RGS17: variants seen among roughly 807,000 people sequenced by gnomAD.
RGS17 encodes regulator of G-protein signaling 17.
In RGS17, 12 loss-of-function variants were observed where a neutral mutation model predicts 25.5. The observed-to-expected ratio is 0.47, with a 90% CI of 0.30 to 0.76. The LOEUF (loss-of-function observed/expected upper bound fraction) is 0.76. Among genes scored for constraint, RGS17 ranks in the 30% least tolerant of loss-of-function variants. RGS17 has a pLI of 0.07. For synonymous variants in RGS17, 71 were observed against 76.9 expected (o/e 0.92, Z 0.40); for missense variants, 196 against 242.2 (o/e 0.81, Z 1.27).
chr6:153,026,523 T>C lies in RGS17; in HGVS notation c.140A>G (p.Glu47Gly). 1 of 1,613,172 alleles carries C rather than the reference T, an allele frequency of 6.2e-7. No homozygotes were observed. The highest frequency in any genetic ancestry group is 8.5e-7 in the Non-Finnish European group (1 of 1,179,310). Residue 47 changes from glutamate to glycine, a missense_variant, in exon 3 of 5, where the codon GAA (glutamate) becomes GGA (glycine). Physicochemically the swap from Glu to Gly is moderately conservative, Grantham distance 98 (BLOSUM62 -2). This residue lies in a region of RGS17 where 179 missense variants were observed against 197.6 expected (regional missense o/e 0.91). Coordinates refer to ENST00000206262, the MANE Select transcript of RGS17 (RefSeq NM_012419.5). ...GGGTCTTCCCGCATTTTCCCCTCTT[T>C]CTTCATTCCTCACAGTGAGGCTGTA... ...SCSCLTVRNE[E>G]RGENAGRPTH...
In RGS17 at chr6:153,130,126, T is replaced by G. The variant is rs1777764560; in HGVS notation, c.-26+998A>C. Among the ~76,000 whole-genome samples the G allele has an allele frequency of 6.6e-6, 1 of 152,108 alleles. No individual in the cohort carries two copies. The highest frequency in any genetic ancestry group is 1.5e-5 in the Non-Finnish European group (1 of 68,002). ...CCAGCTCTGTCCCTCCGCCATCCCC[T>G]AGTCCTCCGGCATTTATTCAGGGAG... On this transcript the variant is annotated intron_variant, in intron 1 of 4. Transcript: ENST00000206262. This position sits in a 1 kb window ranked among gnomAD's most constrained non-coding sequence, Gnocchi z 6.4.
intron 1 of RGS17, among the ~76,000 whole-genome samples, chr6:153,082,581 A>G (rs1777000457): frequency 6.6e-6 from 1 of 151,972 alleles, no homozygotes; most frequent in Non-Finnish European, 1.5e-5. Flanking sequence ...CATCATGTTC[A>G]TGTTTTCATT....
At chr6:153,128,719 A>T (rs1001719204) in intron 1 of RGS17, among the ~76,000 whole-genome samples, 10 of 152,134 alleles carry the variant, frequency 6.6e-5, no homozygotes, top group Admixed American at 4.6e-4. Context: ...ATTATTATTT[A>T]TTATTATGCA....
At chr6:153,019,536 G>A (rs1047999869) in intron 4 of RGS17, among the ~76,000 whole-genome samples, 2 of 152,106 alleles carry the variant, frequency 1.3e-5, no homozygotes, top group African/African-American at 4.8e-5. Flanking sequence ...GTTCATGGGG[G>A]CAGATTTCTC....
rs1034056657 is a variant in RGS17 at position 153,009,613 on chromosome 6, A to C, written c.*1961T>G. On this transcript the variant is annotated 3_prime_UTR_variant, in exon 5 of 5. Coordinates refer to ENST00000206262, the MANE Select transcript of RGS17 (RefSeq NM_012419.5). ...ATAAAATATGTCTTAACACACTAAC[A>C]CTTTCAGAAAACACAGGCATTTGTT... is the stretch of plus-strand genomic sequence containing the variant. 2 of 151,962 alleles carry C rather than the reference A, an allele frequency of 1.3e-5. No homozygotes were observed. The highest frequency in any genetic ancestry group is 2.9e-5 in the Non-Finnish European group (2 of 67,856). The allele number at this position is 151,962 out of a possible 1,614,324, so 9.4% of individuals were successfully genotyped here. A position where few individuals can be genotyped will look rare whatever the true frequency, so the allele number is the denominator to read the frequency against.
intron 1 of RGS17, among the ~76,000 whole-genome samples, chr6:153,066,374 A>G (rs1776708095): frequency 6.6e-6 from 1 of 152,194 alleles, no homozygotes; most frequent in Non-Finnish European, 1.5e-5. Flanking sequence ...CTCCCTGTAA[A>G]AAAAAGCCTG....
intron 4 of RGS17, among the ~76,000 whole-genome samples, chr6:153,020,987 T>A (rs1779242665): frequency 6.6e-6 from 1 of 152,188 alleles, no homozygotes; most frequent in Admixed American, 6.5e-5. Flanking sequence ...ACAAATACTC[T>A]GAATAAATAG....
intron 1 of RGS17, among the ~76,000 whole-genome samples, chr6:153,073,969 C>A (rs1776842767): frequency 6.6e-6 from 1 of 152,092 alleles, no homozygotes; most frequent in Non-Finnish European, 1.5e-5. Flanking sequence ...AGATTTCAAG[C>A]TTACTGTATG....
Position 153,008,782 on chromosome 6 carries a change from T to C in RGS17, c.*2792A>G, listed in dbSNP as rs1310153819. ...ACTCAAATTCTAAGAAAACAAATAT[T>C]GTGCTCTTGGAATGGTAGCATAGAC... is the stretch of plus-strand genomic sequence containing the variant. On this transcript the variant is annotated 3_prime_UTR_variant, in exon 5 of 5. Coordinates refer to ENST00000206262, the MANE Select transcript of RGS17 (RefSeq NM_012419.5). 2 of 152,200 alleles carry C rather than the reference T, an allele frequency of 1.3e-5. No homozygotes were observed. Among genetic ancestry groups the C allele is most frequent in the African/African-American group, 4.8e-5 (2 of 41,452 alleles). 9.4% of individuals were successfully genotyped at this position (152,200 alleles called of 1,614,324 possible).
chr6:153,097,231 C>T (rs1777226248), intron 1 of RGS17, among the ~76,000 whole-genome samples: 1 of 149,506 alleles, frequency 6.7e-6, no homozygotes, highest in Admixed American at 6.7e-5. Flanking sequence ...TCCTTTAATT[C>T]AATGGTTATT....
At chr6:153,101,888 T>C (rs767264118) in intron 1 of RGS17, among the ~76,000 whole-genome samples, 1 of 152,184 alleles carries the variant, frequency 6.6e-6, no homozygotes, top group African/African-American at 2.4e-5. Context: ...CCCCAAGTCA[T>C]GCTTCCTGTT....
chr6:153,068,276 T>C (rs1776736720), intron 1 of RGS17, among the ~76,000 whole-genome samples: 3 of 140,226 alleles, frequency 2.1e-5, no homozygotes, highest in African/African-American at 5.5e-5. Flanking sequence ...GAACCCCCCA[T>C]TGCTACTAAA....
chr6:153,042,495 C>T (rs1353096343), intron 2 of RGS17, among the ~76,000 whole-genome samples: 1 of 152,174 alleles, frequency 6.6e-6, no homozygotes, highest in Non-Finnish European at 1.5e-5. Flanking sequence ...TGCCTTTGCT[C>T]CTCCTTTACC....
intron 2 of RGS17, among the ~76,000 whole-genome samples, chr6:153,034,791 AT>A (rs1464184841): frequency 6.6e-6 from 1 of 152,212 alleles, no homozygotes; most frequent in East Asian, 1.9e-4. Flanking sequence ...AACGAAACAC[AT>A]GAAGTTACTG....
At chr6:153,104,939 A>C (rs892933889) in intron 1 of RGS17, among the ~76,000 whole-genome samples, 1 of 150,360 alleles carries the variant, frequency 6.7e-6, no homozygotes, top group Non-Finnish European at 1.5e-5. Context: ...CATTTCAGGC[A>C]GGAGGAAGGA....
At chr6:153,043,836 C>T (rs966717918) in intron 2 of RGS17, 64 bp downstream of exon 2, 20 of 918,308 alleles carry the variant, frequency 2.2e-5, no homozygotes, top group Non-Finnish European at 3.4e-5. Context: ...TGAGATTTGG[C>T]ATGCATGTTC....
intron 1 of RGS17, among the ~76,000 whole-genome samples, chr6:153,070,673 T>TTGTCTGTGTGTG (rs1776776413): frequency 6.9e-6 from 1 of 144,982 alleles, no homozygotes; most frequent in Non-Finnish European, 1.5e-5. Flanking sequence ...ACATGGAAGA[T>TTGTCTGTGTGTG]TGTGTGTGTG....
intron 1 of RGS17, among the ~76,000 whole-genome samples, chr6:153,104,828 A>AAAAAAAAAAG (rs1342432893): frequency 2.7e-5 from 4 of 147,306 alleles, no homozygotes; most frequent in African/African-American, 1.1e-4. Context: ...TGTCTCAAAA[A>AAAAAAAAAAG]AAAAAAAAAG....
intron 4 of RGS17, among the ~76,000 whole-genome samples, chr6:153,012,369 G>T (rs769974383): frequency 6.6e-6 from 1 of 152,180 alleles, no homozygotes; most frequent in Non-Finnish European, 1.5e-5. Context: ...TCTTACTAAC[G>T]ATGAAGCAGA....
Sources: gnomAD v4.1 joint callset for allele counts (sites outside exome capture counted in the v4.1 genomes callset) on GRCh38, gnomAD v4.1.1 for gene constraint, gnomAD v4.1.1 regional missense constraint, Gnocchi (gnomAD v3.1) non-coding constraint, MANE v1.5 for transcripts, NCBI Gene and HGNC (gene_info 2026-07-23, HGNC 2026-07-21) for gene names.